PPP2R2A: variants seen among roughly 807,000 people sequenced by gnomAD.
PPP2R2A encodes the protein serine/threonine-protein phosphatase 2A 55 kDa regulatory subunit B alpha isoform.
PPP2R2A carries 9 observed loss-of-function variants against 53.2 expected under a neutral mutation model. The observed-to-expected ratio is 0.17, with a 90% CI of 0.10 to 0.30. The LOEUF is 0.30. Ranked by LOEUF, PPP2R2A falls within the 10% of genes least tolerant of loss-of-function variation. The pLI, the probability that PPP2R2A is intolerant of heterozygous loss-of-function variation, is 1.00. For synonymous variants in PPP2R2A, 169 were observed against 174.2 expected, an observed-to-expected ratio of 0.97 and a Z score of 0.23; for missense variants, 235 against 534.6, an observed-to-expected ratio of 0.44 and a Z score of 5.53.
At chr8:26,364,975 C>T (rs902521432) in intron 8 of PPP2R2A, 22 of 152,136 alleles carry the variant, frequency 1.4e-4, no homozygotes, top group African/African-American at 4.8e-4. Context: ...TGAAAAAAGA[C>T]TTCTATTTGT....
chr8:26,336,019 A>G (rs537825440), intron 2 of PPP2R2A, among the ~76,000 whole-genome samples: 4 of 152,186 alleles, frequency 2.6e-5, no homozygotes, highest in South Asian at 4.1e-4. Context: ...TTCCATTCAC[A>G]TGTTCAGTGA....
intron 2 of PPP2R2A, among the ~76,000 whole-genome samples, chr8:26,296,776 A>G (rs1006714215): frequency 3.3e-5 from 5 of 152,216 alleles, no homozygotes; most frequent in Non-Finnish European, 7.3e-5. Flanking sequence ...GAAATGGTAA[A>G]AGGCAGGATG....
intron 9 of PPP2R2A, among the ~76,000 whole-genome samples, chr8:26,368,437 A>G (rs1183236226): frequency 6.6e-6 from 1 of 152,220 alleles, no homozygotes; most frequent in Non-Finnish European, 1.5e-5. Flanking sequence ...GTTTGTGAGG[A>G]TACTTAATAA....
intron 2 of PPP2R2A, among the ~76,000 whole-genome samples, chr8:26,309,926 T>A (rs1802196125): frequency 6.6e-6 from 1 of 151,956 alleles, no homozygotes; most frequent in African/African-American, 2.4e-5. Context: ...ATGGAAAAAT[T>A]GAAGTTTTGC....
intron 2 of PPP2R2A, among the ~76,000 whole-genome samples, chr8:26,307,189 T>G (rs1259065098): frequency 6.6e-6 from 1 of 152,226 alleles, no homozygotes; most frequent in African/African-American, 2.4e-5. Context: ...TGTACACATT[T>G]GGAATTTACA....
rs200124793 is a variant in PPP2R2A, at chr8:26,362,679, T to C, written c.638-5T>C. The C allele has an allele frequency of 8.1e-6, 13 of 1,613,204 alleles. No individual in the cohort carries two copies. In the East Asian group the frequency reaches 1.1e-4, roughly 14 times the overall value. ...GTGGAAATTCCTTAATAAAATGTTA[T>C]CTAGACATTGTGGATATCAAGCCTG... On this transcript the variant is annotated splice_region_variant and splice_polypyrimidine_tract_variant and intron_variant, in intron 6 of 9. Coordinates refer to ENST00000380737, the MANE Select transcript of PPP2R2A (RefSeq NM_002717.4). This position sits in a 1 kb window ranked among gnomAD's most constrained non-coding sequence, Gnocchi z 4.4.
At chr8:26,355,144 TC>T (rs1804707495) in intron 4 of PPP2R2A, among the ~76,000 whole-genome samples, 2 of 152,206 alleles carry the variant, frequency 1.3e-5, no homozygotes, top group South Asian at 4.1e-4. Flanking sequence ...TGGTCTCCAT[TC>T]CAGGATACGC....
chr8:26,297,242 T>C (rs921785189), intron 2 of PPP2R2A, among the ~76,000 whole-genome samples: 1 of 152,162 alleles, frequency 6.6e-6, no homozygotes, highest in African/African-American at 2.4e-5. Context: ...CTTGAGAAGC[T>C]GGGACTACAG....
chr8:26,292,309 G>C, intron 1 of PPP2R2A: 1 of 989,446 alleles, frequency 1.0e-6, no homozygotes, highest in Non-Finnish European at 1.2e-6. Context: ...TTAAAATACA[G>C]TGGGGGCATA....
At chr8:26,300,016 G>A (rs1447040733) in intron 2 of PPP2R2A, among the ~76,000 whole-genome samples, 1 of 152,162 alleles carries the variant, frequency 6.6e-6, no homozygotes, top group Non-Finnish European at 1.5e-5. Context: ...GTCACTTAAA[G>A]TAGTAGTGTA....
chr8:26,362,459 T>G lies in PPP2R2A; in HGVS notation c.638-225T>G, dbSNP rs1805157217. 6.6e-6 allele frequency among the ~76,000 whole-genome samples: 1 copy of G among 151,996 alleles called. No homozygotes were observed. The highest frequency in any genetic ancestry group is 2.4e-5 in the African/African-American group (1 of 41,380). On this transcript the variant is annotated intron_variant, in intron 6 of 9. Coordinates refer to ENST00000380737, the MANE Select transcript of PPP2R2A (RefSeq NM_002717.4). The surrounding 1 kb of genome is among the most constrained non-coding windows in gnomAD (Gnocchi z 4.4). The stretch of plus-strand genomic sequence containing the variant: ...GTCGGAGGCTGCAGTGAGCCGAGAT[T>G]GCGCCACTGCACTCCAGCCTGGGTG...
At chr8:26,331,389 A>C (rs1202721376) in intron 2 of PPP2R2A, among the ~76,000 whole-genome samples, 1 of 152,228 alleles carries the variant, frequency 6.6e-6, no homozygotes, top group Non-Finnish European at 1.5e-5. Context: ...ACCAGTTATC[A>C]GATTTTTAAT....
intron 4 of PPP2R2A, among the ~76,000 whole-genome samples, chr8:26,357,255 T>G (rs1804832812): frequency 6.6e-6 from 1 of 150,528 alleles, no homozygotes; most frequent in Non-Finnish European, 1.5e-5. Flanking sequence ...TATTTTTCTC[T>G]GTGAGTTTTT....
At chr8:26,315,080 G>A (rs928736088) in intron 2 of PPP2R2A, among the ~76,000 whole-genome samples, 2 of 152,108 alleles carry the variant, frequency 1.3e-5, no homozygotes, top group African/African-American at 2.4e-5. Flanking sequence ...TCTTGTCTTT[G>A]AGAAGATTAA....
At chr8:26,357,020 G>T (rs1018930855) in intron 4 of PPP2R2A, among the ~76,000 whole-genome samples, 2 of 152,072 alleles carry the variant, frequency 1.3e-5, no homozygotes, top group Non-Finnish European at 2.9e-5. Context: ...GCTAACTGGG[G>T]GCTGCATTTT....
At chr8:26,351,308 C>G (rs1260796072) in intron 3 of PPP2R2A, among the ~76,000 whole-genome samples, 3 of 151,864 alleles carry the variant, frequency 2.0e-5, no homozygotes, top group African/African-American at 7.3e-5. Context: ...ATGCAAGACC[C>G]TGTTGCAGTG....
chr8:26,352,116 A>G (rs1263792807), intron 3 of PPP2R2A, among the ~76,000 whole-genome samples: 4 of 152,230 alleles, frequency 2.6e-5, no homozygotes, highest in Admixed American at 1.3e-4. Flanking sequence ...GAGGGAGGTG[A>G]AAATGCTGTG....
chr8:26,365,514 C>G (rs1390033629), intron 8 of PPP2R2A: 1 of 152,158 alleles, frequency 6.6e-6, no homozygotes, highest in Admixed American at 6.5e-5. Flanking sequence ...TCATTTCTGT[C>G]ATTTCTCCTT....
chr8:26,356,819 C>T (rs1804805438), intron 4 of PPP2R2A, among the ~76,000 whole-genome samples: 1 of 152,168 alleles, frequency 6.6e-6, no homozygotes, highest in Admixed American at 6.5e-5. Flanking sequence ...GCCCTGCATG[C>T]TCATCATCCA....
Sources: allele counts gnomAD v4.1 joint callset (sites outside exome capture counted in the v4.1 genomes callset), GRCh38; gene constraint gnomAD v4.1.1; non-coding constraint Gnocchi (gnomAD v3.1); transcripts MANE v1.5; gene names NCBI Gene and HGNC (gene_info 2026-07-23, HGNC 2026-07-21).